The following DHX9 variants were observed in gnomAD, a reference collection of about 807,000 sequenced individuals.
DHX9 encodes the protein ATP-dependent RNA helicase A.
Under a neutral mutation model 148.7 loss-of-function variants are expected in DHX9, and 27 were observed. The ratio of observed to expected loss-of-function variants is 0.18; its 90% CI spans 0.13 to 0.25. The LOEUF (loss-of-function observed/expected upper bound fraction) is 0.25. Ranked by LOEUF, DHX9 falls within the 10% of genes least tolerant of loss-of-function variation. DHX9 has a pLI of 1.00. For synonymous variants in DHX9, 529 were observed against 516.6 expected (o/e 1.02, Z -0.33); for missense variants, 796 against 1,559.6 (o/e 0.51, Z 8.25).
rs1479913529 is a variant in DHX9 at position 182,881,512 on chromosome 1, T to C, written c.2787-8T>C. ...TAGAGAATGATTTCTCATGCCAATTTATTTTAGAATGGGTGGAGAAGAAGC... is the reference window on the plus strand; with the variant it reads ...TAGAGAATGATTTCTCATGCCAATTCATTTTAGAATGGGTGGAGAAGAAGC... On this transcript the variant is annotated splice_polypyrimidine_tract_variant and splice_region_variant and intron_variant, in intron 23 of 27. Transcript: ENST00000367549. 2 of 1,609,208 alleles carry C rather than the reference T, an allele frequency of 1.2e-6. No individual in the cohort carries two copies. The highest frequency in any genetic ancestry group is 1.7e-6 in the Non-Finnish European group (2 of 1,178,534).
intron 3 of DHX9, among the ~76,000 whole-genome samples, chr1:182,845,417 G>C (rs1195498352): frequency 6.8e-6 from 1 of 148,060 alleles, no homozygotes; most frequent in Middle Eastern, 3.5e-3. Context: ...TCCCTCTTTT[G>C]GTATGTAAGT....
intron 12 of DHX9, among the ~76,000 whole-genome samples, chr1:182,865,836 G>C (rs1052781890): frequency 5.3e-5 from 8 of 152,180 alleles, no homozygotes; most frequent in African/African-American, 1.9e-4. Context: ...CACTTCAGAA[G>C]AGTTTTCATA....
At chr1:182,864,831 T>C (rs1319925307) in intron 12 of DHX9, among the ~76,000 whole-genome samples, 1 of 152,230 alleles carries the variant, frequency 6.6e-6, no homozygotes, top group South Asian at 2.1e-4. Context: ...CCTTGGGATT[T>C]AAGACGTTTG....
chr1:182,848,624 TAAC>T (rs1166459434), intron 3 of DHX9, among the ~76,000 whole-genome samples: 4 of 152,248 alleles, frequency 2.6e-5, no homozygotes, highest in Non-Finnish European at 5.9e-5. Context: ...AAAAAAATTA[TAAC>T]AACCCATTTC....
At chr1:182,857,088 C>T (rs184726750) in intron 7 of DHX9, among the ~76,000 whole-genome samples, 23 of 152,304 alleles carry the variant, frequency 1.5e-4, no homozygotes, top group Admixed American at 5.2e-4. Flanking sequence ...ACCTAGTGAT[C>T]TGCCTGGCTC....
At chr1:182,840,585 T>A (rs1667906182) in intron 1 of DHX9, among the ~76,000 whole-genome samples, 2 of 152,084 alleles carry the variant, frequency 1.3e-5, no homozygotes, top group Non-Finnish European at 2.9e-5. Context: ...GGCGTGAGCC[T>A]CCGCGCCCGC....
intron 3 of DHX9, among the ~76,000 whole-genome samples, chr1:182,848,649 C>A (rs1668074875): frequency 6.6e-6 from 1 of 152,070 alleles, no homozygotes; most frequent in Admixed American, 6.6e-5. Flanking sequence ...ACTTTTAACC[C>A]CACTGTATTA....
intron 15 of DHX9, among the ~76,000 whole-genome samples, 170 bp downstream of exon 15, chr1:182,872,663 G>A (rs552448268): frequency 6.6e-6 from 1 of 152,266 alleles, no homozygotes; most frequent in East Asian, 1.9e-4. Flanking sequence ...ATTTTATACA[G>A]TAGTGAGTAC....
chr1:182,860,321 A>G lies in DHX9; in HGVS notation c.1332+137A>G, dbSNP rs182522130. On this transcript the variant is annotated intron_variant, in intron 12 of 27. Transcript: ENST00000367549. ...AATTAAATTTAAAAAAAGAAAACATAAAAACAACGTAGTCTTTTTCTAATC... is the reference window on the plus strand; with the variant it reads ...AATTAAATTTAAAAAAAGAAAACATGAAAACAACGTAGTCTTTTTCTAATC... 369 of 730,478 alleles carry G rather than the reference A, an allele frequency of 5.1e-4. 1 individual carries two copies. In the East Asian group the frequency reaches 9.3e-3, roughly 18 times the overall value. The allele number at this position is 730,478 out of a possible 1,614,324, so 45.2% of individuals were successfully genotyped here.
chr1:182,886,172 TA>T (rs1301574817), intron 27 of DHX9, among the ~76,000 whole-genome samples: 4 of 146,680 alleles, frequency 2.7e-5, no homozygotes, highest in East Asian at 1.9e-4. Flanking sequence ...TTTTTATTTT[TA>T]TTTTTTTTTA....
At chr1:182,856,706 A>G in intron 7 of DHX9, 128 bp downstream of exon 7, 1 of 724,108 alleles carries the variant, frequency 1.4e-6, no homozygotes, top group Non-Finnish European at 2.3e-6. Context: ...GATAGCATCT[A>G]GGGTATATTT....
intron 15 of DHX9, among the ~76,000 whole-genome samples, chr1:182,873,349 TG>T (rs1453211251): frequency 6.6e-6 from 1 of 152,154 alleles, no homozygotes; most frequent in African/African-American, 2.4e-5. Context: ...ACATTCTAAT[TG>T]AGGGCATGAA....
At position 182,858,160 on chromosome 1, in the gene DHX9, C is replaced by T. The variant is rs982238662; in HGVS notation, c.730C>T (p.Leu244=). ...NKKLAAQSCA[L]SLVRQLYHLG... ...GAAATTGGCAGCACAGTCCTGTGCC[C>T]TGTCACTTGTCAGACAACTGTACCA... The change falls in exon 8 of 28, where the codon CTG becomes TTG. Residue 244 remains leucine (L), a synonymous_variant. Transcript: ENST00000367549. 1.9e-6 allele frequency: 3 copies of T among 1,613,996 alleles called. No individual in the cohort carries two copies. Among genetic ancestry groups the T allele is most frequent in the Admixed American group, 3.3e-5 (2 of 59,998 alleles).
At position 182,859,082 on chromosome 1, in the gene DHX9, A is replaced by G. The variant is rs376734640; in HGVS notation, c.1105A>G (p.Met369Val). 3 of 1,614,044 alleles carry G rather than the reference A, an allele frequency of 1.9e-6. No individual in the cohort carries two copies. In the African/African-American group the frequency reaches 4.0e-5, roughly 22 times the overall value. ...AAGCATGGACCTCAAGAATGAATTG[A>G]TGTACCAGTTGGAACAGGATCATGA... is the stretch of plus-strand genomic sequence containing the variant. Reference protein sequence around the residue: ...QISMDLKNELMYQLEQDHDLQ... With the variant: ...QISMDLKNELVYQLEQDHDLQ... The change falls in exon 11 of 28, where the codon ATG becomes GTG. Residue 369 changes from methionine (M) to valine (V), a missense_variant. Transcript: ENST00000367549.
chr1:182,879,786 C>T (rs755756858), intron 21 of DHX9, among the ~76,000 whole-genome samples: 4 of 152,070 alleles, frequency 2.6e-5, no homozygotes, highest in Non-Finnish European at 5.9e-5. Flanking sequence ...AGTGCAGTGG[C>T]GTGATCTCAG....
chr1:182,881,172 A>G, intron 22 of DHX9, 92 bp from the exon 23 acceptor site: 2 of 1,317,628 alleles, frequency 1.5e-6, no homozygotes, highest in Non-Finnish European at 2.1e-6. Context: ...TCATAGCCAT[A>G]AAGACTGCAA....
chr1:182,880,652 T>C, intron 22 of DHX9, 44 bp downstream of exon 22: 1 of 1,288,896 alleles, frequency 7.8e-7, no homozygotes, highest in Non-Finnish European at 1.1e-6. Flanking sequence ...GGCAGAATAA[T>C]TTCAGAATCT....
At position 182,844,905 on chromosome 1, in the gene DHX9, C is replaced by T. The variant is rs138056877; in HGVS notation, c.252+1471C>T. 2.9e-3 allele frequency among the ~76,000 whole-genome samples: 439 copies of T among 151,874 alleles called. 5 individuals are homozygous for T. The highest frequency in any genetic ancestry group is 0.01 in the African/African-American group (422 of 41,410). On this transcript the variant is annotated intron_variant, in intron 3 of 27. Transcript: ENST00000367549. Reference sequence around the variant, plus strand: ...CTTGAACTCCTGACCTCAAGTGATCCGCCCCCTTCAGCCTCCCAAAGTGCT... The same window carrying T: ...CTTGAACTCCTGACCTCAAGTGATCTGCCCCCTTCAGCCTCCCAAAGTGCT...
intron 14 of DHX9, among the ~76,000 whole-genome samples, chr1:182,867,642 A>G (rs1039193850): frequency 1.3e-5 from 2 of 152,184 alleles, no homozygotes; most frequent in Admixed American, 1.3e-4. Flanking sequence ...ACCTCAGGTG[A>G]TCCACCTGCC....
Sources: gnomAD v4.1 joint callset for allele counts (sites outside exome capture counted in the v4.1 genomes callset) on GRCh38, gnomAD v4.1.1 for gene constraint, MANE v1.5 for transcripts, NCBI Gene and HGNC (gene_info 2026-07-23, HGNC 2026-07-21) for gene names.